Variants in CCDC187 observed in about 807,000 individuals in gnomAD.
CCDC187 encodes coiled-coil domain containing 187, also known as coiled-coil domain-containing protein 187.
In CCDC187, 32 loss-of-function variants were observed where a neutral mutation model predicts 38.0. That is an observed-to-expected ratio of 0.84 (90% CI 0.64 to 1.13). CCDC187 has a LOEUF of 1.13. Among genes scored for constraint, CCDC187 ranks in the 50% most tolerant of loss-of-function variants. The probability of loss-of-function intolerance (pLI) is 0.00; values close to 1 mark genes in which losing one functional copy is unlikely to be tolerated. For synonymous variants in CCDC187, 333 were observed against 347.9 expected (o/e 0.96, Z 0.48); for missense variants, 707 against 786.8 (o/e 0.90, Z 1.21).
At chr9:136,285,300 G>A (rs1364459104) in intron 9 of CCDC187, among the ~76,000 whole-genome samples, 1 of 152,136 alleles carries the variant, frequency 6.6e-6, no homozygotes, top group African/African-American at 2.4e-5. Context: ...GTCTGACGCG[G>A]GGCTTCCCTG....
chr9:136,300,430 T>C, intron 2 of CCDC187, 112 bp from the exon 3 acceptor site: 1 of 385,838 alleles, frequency 2.6e-6, no homozygotes, highest in Middle Eastern at 6.6e-4. Flanking sequence ...ATTTATTTAC[T>C]TGAGACAGGG....
Position 136,255,714 on chromosome 9 carries a change from C to A in CCDC187, c.4636G>T (p.Glu1546Ter). 15 of 985,468 alleles carry A rather than the reference C, an allele frequency of 1.5e-5. No individual in the cohort carries two copies. Among genetic ancestry groups the A allele is most frequent in the Non-Finnish European group, 1.8e-5 (15 of 829,948 alleles). 61.0% of individuals were successfully genotyped at this position (985,468 alleles called of 1,614,324 possible). ...GEQRTEACQQ[E>*]VPGISSTWLE... ...CAGGTGGAGGAGATGCCGGGGACCT[C>A]CTGCTGACAGGCCTCCGTCCTGCAA... Residue 1546 changes from glutamate to a stop codon, truncating the protein, a stop_gained, in exon 25 of 26, where the codon GAG becomes TAG. Transcript: ENST00000638797. LOFTEE classifies it high-confidence loss of function.
intron 20 of CCDC187, among the ~76,000 whole-genome samples, chr9:136,259,814 G>A (rs546342129): frequency 2.1e-4 from 32 of 152,272 alleles, no homozygotes; most frequent in Admixed American, 3.9e-4. Context: ...CTGAGTAGCC[G>A]CCCCATGAGG....
chr9:136,271,668 C>T (rs1436106145), intron 14 of CCDC187, among the ~76,000 whole-genome samples: 5 of 132,766 alleles, frequency 3.8e-5, no homozygotes, highest in Admixed American at 2.5e-4. Flanking sequence ...AGTGCGGTGG[C>T]GCGATCTCGG....
At position 136,267,460 on chromosome 9, in the gene CCDC187, C is replaced by T. The variant is rs1696632282; in HGVS notation, c.3571G>A (p.Ala1191Thr). The T allele has an allele frequency of 1.1e-5, 11 of 985,524 alleles. No individual in the cohort carries two copies. Among genetic ancestry groups the T allele is most frequent in the Non-Finnish European group, 1.2e-5 (10 of 830,068 alleles). The allele number at this position is 985,524 out of a possible 1,614,324, so 61.0% of individuals were successfully genotyped here. A position where few individuals can be genotyped will look rare whatever the true frequency, so the allele number is the denominator to read the frequency against. Residue 1191 changes from alanine to threonine, a missense_variant, in exon 16 of 26, where the codon GCG (alanine) becomes ACG (threonine). Physicochemically the swap from Ala to Thr is moderately conservative, Grantham distance 58. Coordinates refer to ENST00000638797, the MANE Select transcript of CCDC187 (RefSeq NM_001378188.1). ...GCCATCTCTCGCAGGCGCAGCAGCG[C>T]GGCCTGGTGCTGTGCTCGCAGCTCC... ...EEELRAQHQA[A>T]LLRLREMALQ...
chr9:136,281,467 T>A (rs1393615601), intron 10 of CCDC187, 84 bp downstream of exon 10: 1 of 398,146 alleles, frequency 2.5e-6, no homozygotes, highest in African/African-American at 2.1e-5. Context: ...CAAGCTCGAG[T>A]GCTAGGCAGT....
intron 19 of CCDC187, among the ~76,000 whole-genome samples, chr9:136,260,590 C>A (rs1312516422): frequency 5.9e-5 from 9 of 151,784 alleles, no homozygotes; most frequent in Non-Finnish European, 1.3e-4. Flanking sequence ...GGCACCCCCC[C>A]ATCTGACTCT....
intron 14 of CCDC187, among the ~76,000 whole-genome samples, chr9:136,268,818 TGA>T (rs1554762002): frequency 1.3e-5 from 2 of 152,164 alleles, no homozygotes; most frequent in African/African-American, 4.8e-5. Context: ...CAGTGATCCC[TGA>T]GAGACAGAAA....
chr9:136,264,065 C>T lies in CCDC187; in HGVS notation c.3736-267G>A, dbSNP rs1200081296. On this transcript the variant is annotated intron_variant, in intron 17 of 25. Coordinates refer to ENST00000638797, the MANE Select transcript of CCDC187 (RefSeq NM_001378188.1). The surrounding 1 kb of genome is among the most constrained non-coding windows in gnomAD (Gnocchi z 4.3). ...CCCCAGGGCCCACGCAGGGCTGGCA[C>T]AGGCTGGCTGGGCCTCGCCCTCCCT... 1 of 153,092 alleles carries T rather than the reference C, an allele frequency of 6.5e-6. No individual in the cohort carries two copies. Among genetic ancestry groups the T allele is most frequent in the Non-Finnish European group, 1.5e-5 (1 of 68,796 alleles). 9.5% of individuals were successfully genotyped at this position (153,092 alleles called of 1,614,324 possible).
In CCDC187 at chr9:136,251,226, G is replaced by T; in HGVS notation, c.*2368C>A. ...AAAAGGGTCCCAGAGAAATTACAGG[G>T]GTCCCAGTGAATCCTCTGGAAGCAA... On this transcript the variant is annotated 3_prime_UTR_variant, in exon 26 of 26. Coordinates refer to ENST00000638797, the MANE Select transcript of CCDC187 (RefSeq NM_001378188.1). 1 of 338,554 alleles carries T rather than the reference G, an allele frequency of 3.0e-6. No individual in the cohort carries two copies. The highest frequency in any genetic ancestry group is 5.9e-6 in the Non-Finnish European group (1 of 168,836). 21.0% of individuals were successfully genotyped at this position (338,554 alleles called of 1,614,324 possible).
chr9:136,268,743 A>AT (rs1564311162), intron 14 of CCDC187, among the ~76,000 whole-genome samples: 3 of 151,962 alleles, frequency 2.0e-5, no homozygotes, highest in South Asian at 2.1e-4. Context: ...ACATATATAT[A>AT]TATTTTTTCA....
Position 136,265,924 on chromosome 9 carries a change from A to G in CCDC187, c.3735+32T>C, listed in dbSNP as rs1010862086. 255 of 972,128 alleles carry G rather than the reference A, an allele frequency of 2.6e-4. 3 individuals carry two copies. The highest frequency in any genetic ancestry group is 1.8e-4 in the Admixed American group (3 of 16,248). The allele number at this position is 972,128 out of a possible 1,614,324, so 60.2% of individuals were successfully genotyped here. ...ACACGACTGCCTCTGTGAGCCGCCC[A>G]CCCTGACCCACCAGGCCTGTGCTGG... On this transcript the variant is annotated intron_variant, in intron 17 of 25. Coordinates refer to ENST00000638797, the MANE Select transcript of CCDC187 (RefSeq NM_001378188.1).
At chr9:136,288,829 C>G (rs1449885167) in intron 7 of CCDC187, among the ~76,000 whole-genome samples, 2 of 152,200 alleles carry the variant, frequency 1.3e-5, no homozygotes, top group Non-Finnish European at 2.9e-5. Context: ...AGATGGGGAC[C>G]CTCACGCCGG....
intron 14 of CCDC187, among the ~76,000 whole-genome samples, chr9:136,269,512 G>A (rs868990745): frequency 6.6e-6 from 1 of 152,298 alleles, no homozygotes; most frequent in Middle Eastern, 3.4e-3. Context: ...GCTGGGCGTG[G>A]TGGTGGGCGC....
At chr9:136,281,688 G>A (rs1000362362) in intron 9 of CCDC187, 25 bp from the exon 10 acceptor site, 1 of 398,676 alleles carries the variant, frequency 2.5e-6, no homozygotes, top group Non-Finnish European at 4.4e-6. Flanking sequence ...CACACGTGTG[G>A]CAGGGCCAGG....
At chr9:136,265,133 C>G (rs1490752088) in intron 17 of CCDC187, among the ~76,000 whole-genome samples, 1 of 152,184 alleles carries the variant, frequency 6.6e-6, no homozygotes. Flanking sequence ...GCAGGCACAG[C>G]GGCCGCGACC....
Position 136,286,368 on chromosome 9 carries a change from C to A in CCDC187, c.2550G>T (p.Ala850=), listed in dbSNP as rs1298673452. The A allele has an allele frequency of 1.5e-5, 6 of 398,534 alleles. No individual in the cohort carries two copies. The highest frequency in any genetic ancestry group is 1.1e-4 in the East Asian group (3 of 28,076). The allele number at this position is 398,534 out of a possible 1,614,324, so 24.7% of individuals were successfully genotyped here. The change falls in exon 8 of 26, where the codon GCG becomes GCT. Residue 850 remains alanine (A), a synonymous_variant. Coordinates refer to ENST00000638797, the MANE Select transcript of CCDC187 (RefSeq NM_001378188.1). ...CAGCTGGGTCCCTGACGGTGTCCAG[C>A]GCTTCGGCACCCTGCAGCTTGGCGG... ...SLTAKLQGAE[A]LDTVRDPAVG...
chr9:136,282,036 C>T (rs1231363236), intron 9 of CCDC187, among the ~76,000 whole-genome samples: 1 of 152,142 alleles, frequency 6.6e-6, no homozygotes, highest in Non-Finnish European at 1.5e-5. Flanking sequence ...GGGGTGTGCA[C>T]GGTCAGCTTC....
chr9:136,286,289 T>TGGCGAGCGTGGGGGC lies in CCDC187; in HGVS notation c.2614_2628dup (p.Ala872_Ala876dup), dbSNP rs1282625014. 1.8e-4 allele frequency: 71 copies of TGGCGAGCGTGGGGGC among 398,076 alleles called. No homozygotes were observed. The highest frequency in any genetic ancestry group is 4.9e-5 in the Non-Finnish European group (11 of 225,950). The allele number at this position is 398,076 out of a possible 1,614,324, so 24.7% of individuals were successfully genotyped here. ...CAGGCTGGGGTGGCAAGCGTGGGGGTGGCGAGCGTGGGGGCGGCAGGTAGG... is the reference window on the plus strand; with the variant it reads ...CAGGCTGGGGTGGCAAGCGTGGGGGTGGCGAGCGTGGGGGCGGCGAGCGTGGGGGCGGCAGGTAGG... On this transcript the variant is annotated inframe_insertion, in exon 8 of 26. Transcript: ENST00000638797.
Sources: allele counts gnomAD v4.1 joint callset (sites outside exome capture counted in the v4.1 genomes callset), GRCh38; gene constraint gnomAD v4.1.1; non-coding constraint Gnocchi (gnomAD v3.1); transcripts MANE v1.5; gene names NCBI Gene and HGNC (gene_info 2026-07-23, HGNC 2026-07-21).